Variants in TASP1 observed in about 807,000 individuals in gnomAD.
TASP1 encodes the protein taspase 1.
In TASP1, 16 loss-of-function variants were observed where a neutral mutation model predicts 56.6. The ratio of observed to expected loss-of-function variants is 0.28; its 90% CI spans 0.19 to 0.43. The LOEUF is 0.43. Ranked by LOEUF, TASP1 falls within the 20% of genes least tolerant of loss-of-function variation. The probability of loss-of-function intolerance (pLI) is 1.00; values close to 1 mark genes in which losing one functional copy is unlikely to be tolerated. For missense variants in TASP1, 393 were observed against 511.6 expected (o/e 0.77, Z 2.24); for synonymous variants, 179 against 184.2 (o/e 0.97, Z 0.23).
chr20:13,572,323 A>G (rs2046744351), intron 6 of TASP1, among the ~76,000 whole-genome samples: 1 of 152,192 alleles, frequency 6.6e-6, no homozygotes, highest in African/African-American at 2.4e-5. Flanking sequence ...CGTTTACATT[A>G]AAGCAGATCT....
the TASP1 span, among the ~76,000 whole-genome samples, chr20:13,202,893 C>A: frequency 7.2e-5 from 11 of 152,150 alleles, no homozygotes; most frequent in African/African-American, 2.7e-4. Flanking sequence ...AGATTATAGT[C>A]GGCTTCTACA....
intron 13 of TASP1, among the ~76,000 whole-genome samples, chr20:13,396,514 G>A (rs967760031): frequency 2.6e-5 from 4 of 152,082 alleles, no homozygotes; most frequent in African/African-American, 7.2e-5. Flanking sequence ...ATGAAGACTG[G>A]GTTAGATGGT....
At chr20:13,152,963 C>T in the TASP1 span, among the ~76,000 whole-genome samples, 422 of 152,288 alleles carry the variant, frequency 2.8e-3, 1 homozygote, top group South Asian at 5.0e-3. Flanking sequence ...ACCTCTAGAG[C>T]AGAATCTCTG....
chr20:13,196,921 T>C, the TASP1 span, among the ~76,000 whole-genome samples: 1 of 152,216 alleles, frequency 6.6e-6, no homozygotes, highest in Non-Finnish European at 1.5e-5. Flanking sequence ...AATTGTTTAC[T>C]TGTATATTGT....
At chr20:13,348,565 C>T in the TASP1 span, among the ~76,000 whole-genome samples, 2 of 151,362 alleles carry the variant, frequency 1.3e-5, no homozygotes, top group Non-Finnish European at 2.9e-5. Flanking sequence ...TTCACGTTGG[C>T]TGACTTTTTT....
the TASP1 span, among the ~76,000 whole-genome samples, chr20:13,266,434 G>A: frequency 6.6e-6 from 1 of 152,152 alleles, no homozygotes; most frequent in Non-Finnish European, 1.5e-5. Context: ...CCGTTTAATA[G>A]CTGCATTTCT....
chr20:13,276,195 G>T, the TASP1 span, among the ~76,000 whole-genome samples: 1 of 152,124 alleles, frequency 6.6e-6, no homozygotes, highest in Non-Finnish European at 1.5e-5. Context: ...GAAAATACCT[G>T]CCCACTCCCA....
At chr20:13,564,508 A>G (rs1341620285) in intron 7 of TASP1, among the ~76,000 whole-genome samples, 5 of 152,076 alleles carry the variant, frequency 3.3e-5, no homozygotes, top group Admixed American at 6.5e-5. Context: ...CAGTACTACT[A>G]AAAGCAATCT....
chr20:13,594,617 A>G (rs2047659355), intron 4 of TASP1, among the ~76,000 whole-genome samples: 1 of 152,270 alleles, frequency 6.6e-6, no homozygotes, highest in Admixed American at 6.5e-5. Context: ...AGTGGAAAAA[A>G]GGATATCAGT....
chr20:13,189,140 C>T, the TASP1 span, among the ~76,000 whole-genome samples: 12 of 152,296 alleles, frequency 7.9e-5, no homozygotes, highest in African/African-American at 2.9e-4. Context: ...TCGCTTATTG[C>T]TCAATCAAAC....
At chr20:13,513,248 A>T (rs908890787) in intron 10 of TASP1, among the ~76,000 whole-genome samples, 4 of 152,168 alleles carry the variant, frequency 2.6e-5, no homozygotes, top group African/African-American at 9.7e-5. Flanking sequence ...TTTATTGAGT[A>T]CCTACTATAT....
At chr20:13,247,232 CA>C in the TASP1 span, among the ~76,000 whole-genome samples, 15 of 147,630 alleles carry the variant, frequency 1.0e-4, no homozygotes, top group East Asian at 2.0e-4. Context: ...ATCTCCGTCT[CA>C]AAAAAAAAAT....
At chr20:13,362,176 C>T in the TASP1 span, among the ~76,000 whole-genome samples, 3 of 150,416 alleles carry the variant, frequency 2.0e-5, no homozygotes, top group African/African-American at 7.4e-5. Context: ...CAAAAATTTT[C>T]GCCGCCCCAA....
At chr20:13,379,362 G>C in the TASP1 span, among the ~76,000 whole-genome samples, 4 of 152,138 alleles carry the variant, frequency 2.6e-5, no homozygotes, top group Non-Finnish European at 2.9e-5. Context: ...ATGAAATTCT[G>C]GGTTGAAAAT....
intron 1 of TASP1, among the ~76,000 whole-genome samples, chr20:13,637,581 A>G (rs959068768): frequency 6.6e-6 from 1 of 152,236 alleles, no homozygotes; most frequent in African/African-American, 2.4e-5. Flanking sequence ...ATACTGATAC[A>G]CAGACATTGA....
At position 13,393,692 on chromosome 20, in the gene TASP1, C is replaced by T. The variant is rs1351804482; in HGVS notation, c.1171-3240G>A. The T allele has an allele frequency of 1.2e-5, 14 of 1,207,184 alleles. No homozygotes were observed. In the South Asian group the frequency reaches 1.4e-4, roughly 12 times the overall value. 74.8% of individuals were successfully genotyped at this position (1,207,184 alleles called of 1,614,324 possible). On this transcript the variant is annotated intron_variant, in intron 13 of 13. Coordinates refer to ENST00000337743, the MANE Select transcript of TASP1 (RefSeq NM_017714.3). ...AGGAATAAGACCCCTGGACCACCAG[C>T]CCCAGCGACAGCATGAAAGGAAGAG... is the stretch of plus-strand genomic sequence containing the variant.
the TASP1 span, among the ~76,000 whole-genome samples, chr20:13,230,765 A>G: frequency 6.6e-6 from 1 of 152,084 alleles, no homozygotes; most frequent in Non-Finnish European, 1.5e-5. Context: ...AGAAAAGAAA[A>G]GAAAAAAAAA....
At chr20:13,522,251 G>A (rs1224205272) in intron 10 of TASP1, among the ~76,000 whole-genome samples, 2 of 152,108 alleles carry the variant, frequency 1.3e-5, no homozygotes, top group Admixed American at 6.6e-5. Context: ...TCAAAATAGA[G>A]GTATATCGTT....
chr20:13,362,655 C>G, the TASP1 span, among the ~76,000 whole-genome samples: 1 of 151,698 alleles, frequency 6.6e-6, no homozygotes, highest in Non-Finnish European at 1.5e-5. Flanking sequence ...TCACACAAAG[C>G]CTGTTTGGTG....
Sources: allele counts gnomAD v4.1 joint callset (sites outside exome capture counted in the v4.1 genomes callset), GRCh38; gene constraint gnomAD v4.1.1; transcripts MANE v1.5; gene names NCBI Gene and HGNC (gene_info 2026-07-23, HGNC 2026-07-21).